SEMA3D: variants seen among roughly 807,000 people sequenced by gnomAD.
SEMA3D encodes semaphorin 3D.
In SEMA3D, 84 loss-of-function variants were observed where a neutral mutation model predicts 100.1. The observed-to-expected ratio is 0.84, with a 90% CI of 0.70 to 1.01. The LOEUF (loss-of-function observed/expected upper bound fraction) is 1.01. Among genes scored for constraint, SEMA3D ranks in the 50% least tolerant of loss-of-function variants. The probability of loss-of-function intolerance (pLI) is 0.00; values close to 1 mark genes in which losing one functional copy is unlikely to be tolerated. For missense variants in SEMA3D, 875 were observed against 934.1 expected (o/e 0.94, Z 0.82); for synonymous variants, 312 against 320.7 (o/e 0.97, Z 0.29).
At chr7:85,002,342 T>C (rs1789677033) in intron 18 of SEMA3D, among the ~76,000 whole-genome samples, 1 of 152,200 alleles carries the variant, frequency 6.6e-6, no homozygotes. Flanking sequence ...TTAACTATTA[T>C]TTTTCTTGCT....
chr7:85,222,020 C>G, the SEMA3D span, among the ~76,000 whole-genome samples: 1 of 151,914 alleles, frequency 6.6e-6, no homozygotes, highest in Admixed American at 6.6e-5. Flanking sequence ...TTAGAAATCC[C>G]CAATCAAATT....
At chr7:85,104,740 G>A (rs7800434) in intron 3 of SEMA3D, among the ~76,000 whole-genome samples, 178 of 151,742 alleles carry the variant, frequency 1.2e-3, no homozygotes, top group African/African-American at 4.1e-3. Context: ...CGAACTGGGT[G>A]GAGTTGTCAG....
Position 85,006,888 on chromosome 7 carries a change from A to T in SEMA3D, c.1822T>A (p.Ser608Thr), listed in dbSNP as rs1418097257. The T allele has an allele frequency of 6.2e-7, 1 of 1,610,998 alleles. No individual in the cohort carries two copies. The highest frequency in any genetic ancestry group is 1.1e-5 in the South Asian group (1 of 90,882). Residue 608 changes from serine to threonine, a missense_variant, in exon 18 of 19, where the codon TCA becomes ACA. Physicochemically the swap from Ser to Thr is moderately conservative, Grantham distance 58. Transcript: ENST00000284136. ...EKVIFGIEFN[S>T]TFLECIPKSQ... The stretch of plus-strand genomic sequence containing the variant: ...TTAGGTATACATTCCAGAAAGGTTG[A>T]GTTAAATTCAATGCCAAAAATCACC...
At chr7:85,122,353 T>C (rs868733648) in intron 2 of SEMA3D, among the ~76,000 whole-genome samples, 6 of 152,172 alleles carry the variant, frequency 3.9e-5, no homozygotes, top group Non-Finnish European at 5.9e-5. Context: ...TTTACTCTTA[T>C]AGAAATGAAT....
chr7:85,219,886 C>A, the SEMA3D span, among the ~76,000 whole-genome samples: 1 of 151,936 alleles, frequency 6.6e-6, no homozygotes, highest in Non-Finnish European at 1.5e-5. Flanking sequence ...ATTATTCACA[C>A]GGAAATATAG....
chr7:85,249,183 A>C, the SEMA3D span, among the ~76,000 whole-genome samples: 1 of 152,202 alleles, frequency 6.6e-6, no homozygotes, highest in Admixed American at 6.5e-5. Flanking sequence ...CAAACAAAAA[A>C]CCTATTGAAT....
At chr7:85,120,025 C>A (rs1789364040) in intron 3 of SEMA3D, among the ~76,000 whole-genome samples, 1 of 150,802 alleles carries the variant, frequency 6.6e-6, no homozygotes, top group Non-Finnish European at 1.5e-5. Flanking sequence ...TCACTGCAGT[C>A]AAACTCCTGG....
chr7:85,146,554 A>T (rs1030063083), intron 2 of SEMA3D, among the ~76,000 whole-genome samples: 8 of 150,278 alleles, frequency 5.3e-5, no homozygotes, highest in Non-Finnish European at 1.0e-4. Context: ...ACTCCATCTA[A>T]AAAAAAATAT....
At chr7:85,225,203 T>C in the SEMA3D span, among the ~76,000 whole-genome samples, 1 of 145,038 alleles carries the variant, frequency 6.9e-6, no homozygotes, top group Non-Finnish European at 1.5e-5. Context: ...ATATGTAATA[T>C]ATATTATACA....
At chr7:85,193,132 G>A in the SEMA3D span, among the ~76,000 whole-genome samples, 1 of 152,134 alleles carries the variant, frequency 6.6e-6, no homozygotes, top group Admixed American at 6.6e-5. Flanking sequence ...AGAGAAATAA[G>A]CTCATGGGGC....
intron 9 of SEMA3D, among the ~76,000 whole-genome samples, chr7:85,043,574 G>C (rs1257558839): frequency 6.6e-6 from 1 of 151,954 alleles, no homozygotes; most frequent in Non-Finnish European, 1.5e-5. Context: ...ATATATACCT[G>C]TTGATATGGT....
chr7:85,159,894 T>C, intron 1 of SEMA3D: 1 of 984,706 alleles, frequency 1.0e-6, no homozygotes. Flanking sequence ...GCAAGAAAGA[T>C]AGGAAAGAAG....
chr7:85,015,234 CAAAT>C lies in SEMA3D; in HGVS notation c.1546-22_1546-19del, dbSNP rs1562783513. On this transcript the variant is annotated intron_variant, in intron 15 of 18. Coordinates refer to ENST00000284136, the MANE Select transcript of SEMA3D (RefSeq NM_001384900.1). Reference sequence around the variant, plus strand: ...AATTGTTGCTGCAAATCGGGCAAAACAAATGAATTAGAAGCATCTTTCAGACTAG... The same window carrying C: ...AATTGTTGCTGCAAATCGGGCAAAACGAATTAGAAGCATCTTTCAGACTAG... The C allele has an allele frequency of 1.9e-6, 3 of 1,599,420 alleles. No homozygotes were observed. The highest frequency in any genetic ancestry group is 2.6e-6 in the Non-Finnish European group (3 of 1,168,650).
chr7:85,201,184 T>A, the SEMA3D span, among the ~76,000 whole-genome samples: 5 of 152,178 alleles, frequency 3.3e-5, no homozygotes, highest in Non-Finnish European at 7.3e-5. Flanking sequence ...TTCTCTTTTG[T>A]TTTCATAGGA....
chr7:85,243,929 T>G, the SEMA3D span, among the ~76,000 whole-genome samples: 1 of 152,322 alleles, frequency 6.6e-6, no homozygotes, highest in Admixed American at 6.5e-5. Context: ...TTTACTGCAT[T>G]CAAGAAATTA....
intron 11 of SEMA3D, among the ~76,000 whole-genome samples, chr7:85,039,148 G>T (rs1000785167): frequency 1.3e-5 from 2 of 152,150 alleles, no homozygotes; most frequent in Admixed American, 1.3e-4. Context: ...GGCTGTAACA[G>T]GGAACAGGAG....
At chr7:85,083,480 TGTTA>T (rs544961858) in intron 4 of SEMA3D, among the ~76,000 whole-genome samples, 7 of 152,324 alleles carry the variant, frequency 4.6e-5, no homozygotes, top group Non-Finnish European at 1.0e-4. Context: ...GTTGTTTGTT[TGTTA>T]TTTTTGTTCT....
chr7:85,154,910 T>G (rs1394579980), intron 1 of SEMA3D, among the ~76,000 whole-genome samples: 4 of 152,202 alleles, frequency 2.6e-5, no homozygotes, highest in African/African-American at 9.6e-5. Flanking sequence ...GTCATTATTT[T>G]TAAAGGTATT....
intron 3 of SEMA3D, among the ~76,000 whole-genome samples, chr7:85,116,843 C>G (rs1027891378): frequency 1.3e-5 from 2 of 152,008 alleles, no homozygotes; most frequent in African/African-American, 4.8e-5. Context: ...TCAAGTTGCT[C>G]CTGCACCATT....
Sources: allele counts gnomAD v4.1 joint callset (sites outside exome capture counted in the v4.1 genomes callset), GRCh38; gene constraint gnomAD v4.1.1; transcripts MANE v1.5; gene names NCBI Gene and HGNC (gene_info 2026-07-23, HGNC 2026-07-21).